Variants in SGSM2 observed in about 807,000 individuals in gnomAD.
The protein encoded by SGSM2 is RUN and TBC1 domain containing 1.
A neutral mutation model predicts 126.6 loss-of-function variants in SGSM2; 89 were observed. That is an observed-to-expected ratio of 0.70 (90% confidence interval 0.59 to 0.84). The LOEUF (loss-of-function observed/expected upper bound fraction) is 0.84. Ranked by LOEUF, SGSM2 falls within the 40% of genes least tolerant of loss-of-function variation. The probability of loss-of-function intolerance (pLI) is 0.00; values close to 1 mark genes in which losing one functional copy is unlikely to be tolerated. For synonymous variants in SGSM2, 614 were observed against 574.3 expected, an observed-to-expected ratio of 1.07 and a Z score of -0.99; for missense variants, 1,404 against 1,416.6, an observed-to-expected ratio of 0.99 and a Z score of 0.14.
intron 13 of SGSM2, chr17:2,371,746 C>A (rs2065881664): frequency 2.5e-6 from 1 of 393,238 alleles, no homozygotes; most frequent in Non-Finnish European, 4.6e-6. Flanking sequence ...CGTGAGCTCC[C>A]CTTCCCGATG....
chr17:2,370,897 T>G (rs544279758), intron 12 of SGSM2, among the ~76,000 whole-genome samples: 1 of 150,630 alleles, frequency 6.6e-6, no homozygotes, highest in East Asian at 2.0e-4. Flanking sequence ...AGCTAGCTGG[T>G]GGCTTTGAGG....
intron 21 of SGSM2, chr17:2,377,483 CA>C (rs11339431): frequency 0.53 from 59,402 of 112,446 alleles, 11,588 homozygotes; most frequent in African/African-American, 0.63. Context: ...GACTCTGTCT[CA>C]AAAAAAAAAA....
chr17:2,364,673 C>T lies in SGSM2; in HGVS notation c.1000+10C>T, dbSNP rs1330906931. On this transcript the variant is annotated intron_variant, in intron 9 of 23. Transcript: ENST00000268989. ...CACTGCCACCAGCAAAGTAAGCCTG[C>T]CTTGTCCTCGGCTCGGGTGGGAAGG... The T allele has an allele frequency of 1.9e-6, 3 of 1,613,990 alleles. No individual in the cohort carries two copies. The highest frequency in any genetic ancestry group is 1.3e-5 in the African/African-American group (1 of 74,934).
chr17:2,375,411 G>T, intron 17 of SGSM2, 81 bp from the exon 18 acceptor site: 1 of 1,504,576 alleles, frequency 6.6e-7, no homozygotes, highest in Non-Finnish European at 8.9e-7. Flanking sequence ...TTGCATTCCA[G>T]CTCCCTTCTG....
chr17:2,376,166 C>T lies in SGSM2; in HGVS notation c.2514C>T (p.Asn838=), dbSNP rs777954046. ...TIELLDTVAL[N]LHRIDKDVQR... ...AATTACTGGACACTGTGGCCTTAAACCTGCACCGCATAGACAAGGATGTGC... is the reference window on the plus strand; with the variant it reads ...AATTACTGGACACTGTGGCCTTAAATCTGCACCGCATAGACAAGGATGTGC... Residue 838 remains asparagine (N), a synonymous_variant, in exon 19 of 24, where the codon AAC becomes AAT. Coordinates refer to ENST00000268989, the MANE Select transcript of SGSM2 (RefSeq NM_014853.3). 2 of 1,614,114 alleles carry T rather than the reference C, an allele frequency of 1.2e-6. No individual in the cohort carries two copies. The highest frequency in any genetic ancestry group is 8.5e-7 in the Non-Finnish European group (1 of 1,180,026).
intron 21 of SGSM2, chr17:2,377,351 G>A (rs1161905313): frequency 2.0e-5 from 7 of 341,522 alleles, no homozygotes; most frequent in Non-Finnish European, 3.8e-5. Flanking sequence ...GGGCGTGGTG[G>A]CACACACCTG....
At chr17:2,351,883 G>A (rs969884544) in intron 2 of SGSM2, among the ~76,000 whole-genome samples, 2 of 152,082 alleles carry the variant, frequency 1.3e-5, no homozygotes, top group African/African-American at 4.8e-5. Context: ...GGTTGAGCAG[G>A]GCTGAATGCC....
At chr17:2,375,198 G>C (rs2066069514) in intron 17 of SGSM2, 1 of 316,220 alleles carries the variant, frequency 3.2e-6, no homozygotes. Flanking sequence ...TGGCCATTGA[G>C]CGTTCAGCCC....
chr17:2,376,137 A>ATAGAATTACTGGACACTGTGGC lies in SGSM2; in HGVS notation c.2486_2507dup (p.Leu837ArgfsTer21). 1 of 1,614,026 alleles carries ATAGAATTACTGGACACTGTGGC rather than the reference A, an allele frequency of 6.2e-7. No homozygotes were observed. The highest frequency in any genetic ancestry group is 8.5e-7 in the Non-Finnish European group (1 of 1,180,002). ...GCCTGAGGGCCCTCCACTCTTCCAGATAGAATTACTGGACACTGTGGCCTT... is the reference window on the plus strand; with the variant it reads ...GCCTGAGGGCCCTCCACTCTTCCAGATAGAATTACTGGACACTGTGGCTAGAATTACTGGACACTGTGGCCTT... On this transcript the variant is annotated frameshift_variant and splice_region_variant, in exon 19 of 24. Coordinates refer to ENST00000268989, the MANE Select transcript of SGSM2 (RefSeq NM_014853.3). LOFTEE classifies it high-confidence loss of function.
rs149339270 is a variant in SGSM2 at position 2,380,226 on chromosome 17, G to A, written c.*706G>A. The stretch of plus-strand genomic sequence containing the variant: ...CAGTGTACCTCTGTGTATCTGTACA[G>A]CCTCGCTCCTGCCACCCCACCCTTG... On this transcript the variant is annotated 3_prime_UTR_variant, in exon 24 of 24. Coordinates refer to ENST00000268989, the MANE Select transcript of SGSM2 (RefSeq NM_014853.3). 4 of 1,535,826 alleles carry A rather than the reference G, an allele frequency of 2.6e-6. No homozygotes were observed. Among genetic ancestry groups the A allele is most frequent in the Non-Finnish European group, 3.5e-6 (4 of 1,146,746 alleles).
chr17:2,350,110 TG>T (rs1433338995), intron 2 of SGSM2, among the ~76,000 whole-genome samples: 3 of 151,704 alleles, frequency 2.0e-5, no homozygotes, highest in Admixed American at 1.3e-4. Flanking sequence ...TTAGTAGAGA[TG>T]GGATTTCACC....
chr17:2,375,257 T>C (rs1212170655), intron 17 of SGSM2: 1 of 468,184 alleles, frequency 2.1e-6, no homozygotes, highest in Admixed American at 3.8e-5. Flanking sequence ...CCTGGGGCTG[T>C]TCCTTCAAGC....
intron 11 of SGSM2, among the ~76,000 whole-genome samples, chr17:2,366,221 C>G (rs1364713012): frequency 2.0e-5 from 3 of 152,114 alleles, no homozygotes; most frequent in Non-Finnish European, 4.4e-5. Flanking sequence ...CTTGTGGGTC[C>G]TGCCCCACCC....
Position 2,373,477 on chromosome 17 carries a change from G to A in SGSM2, c.2064G>A (p.Gln688=). The A allele has an allele frequency of 6.2e-7, 1 of 1,601,238 alleles. No homozygotes were observed. Among genetic ancestry groups the A allele is most frequent in the South Asian group, 1.1e-5 (1 of 90,514 alleles). The change falls in exon 17 of 24, where the codon CAG becomes CAA. Residue 688 remains glutamine (Q), a synonymous_variant. Coordinates refer to ENST00000268989, the MANE Select transcript of SGSM2 (RefSeq NM_014853.3). ...SSGSSIDSHV[Q]RLIHRDSTIS... ...GCAGCAGCATCGACAGCCACGTGCAGCGCCTCATCCACCGAGACTCCACCA... is the reference window on the plus strand; with the variant it reads ...GCAGCAGCATCGACAGCCACGTGCAACGCCTCATCCACCGAGACTCCACCA...
chr17:2,371,147 T>G, intron 12 of SGSM2, 115 bp from the exon 13 acceptor site: 1 of 1,217,420 alleles, frequency 8.2e-7, no homozygotes, highest in African/African-American at 1.6e-5. Context: ...CTCTGTGATT[T>G]TCCACCCATG....
At chr17:2,346,868 CCCTTGAGACCAGAA>C (rs2064618792) in intron 2 of SGSM2, among the ~76,000 whole-genome samples, 2 of 152,230 alleles carry the variant, frequency 1.3e-5, no homozygotes, top group South Asian at 4.1e-4. Flanking sequence ...GCGGGAGGAT[CCCTTGAGACCAGAA>C]GCTTGAGACC....
intron 2 of SGSM2, among the ~76,000 whole-genome samples, chr17:2,360,332 G>A (rs2065259092): frequency 6.6e-6 from 1 of 152,134 alleles, no homozygotes; most frequent in Non-Finnish European, 1.5e-5. Context: ...GGGCATCAGA[G>A]TGGGTCCCTG....
Position 2,337,662 on chromosome 17 carries a change from C to T in SGSM2, c.-27C>T. The T allele has an allele frequency of 1.4e-6, 2 of 1,443,678 alleles. No homozygotes were observed. Among genetic ancestry groups the T allele is most frequent in the Admixed American group, 2.2e-5 (1 of 44,624 alleles). 89.4% of individuals were successfully genotyped at this position (1,443,678 alleles called of 1,614,324 possible). A position where few individuals can be genotyped will look rare whatever the true frequency, so the allele number is the denominator to read the frequency against. On this transcript the variant is annotated 5_prime_UTR_variant, in exon 1 of 24. Transcript: ENST00000268989. This position sits in a 1 kb window ranked among gnomAD's most constrained non-coding sequence, Gnocchi z 5.1. ...GGCGAGGGCGCGGGGGCTCTGAGGA[C>T]CGCTCGGCGCCGCCTCCTGCCACAC...
Position 2,368,302 on chromosome 17 carries a change from A to C in SGSM2, c.1423+897A>C, listed in dbSNP as rs535748879. 6.6e-5 allele frequency among the ~76,000 whole-genome samples: 10 copies of C among 152,276 alleles called. No homozygotes were observed. In the South Asian group the frequency reaches 2.1e-3, roughly 32 times the overall value. ...GGGAGCCCCCCTCTTTTCAGCAAGCAATCAGCCAGGCGACCTGTGAGGGCT... is the reference window on the plus strand; with the variant it reads ...GGGAGCCCCCCTCTTTTCAGCAAGCCATCAGCCAGGCGACCTGTGAGGGCT... On this transcript the variant is annotated intron_variant, in intron 12 of 23. Coordinates refer to ENST00000268989, the MANE Select transcript of SGSM2 (RefSeq NM_014853.3).
Sources: allele counts gnomAD v4.1 joint callset (sites outside exome capture counted in the v4.1 genomes callset), GRCh38; gene constraint gnomAD v4.1.1; non-coding constraint Gnocchi (gnomAD v3.1); transcripts MANE v1.5; gene names NCBI Gene and HGNC (gene_info 2026-07-23, HGNC 2026-07-21).